PPM1H: variants seen among roughly 807,000 people sequenced by gnomAD.
PPM1H encodes protein phosphatase 1H.
PPM1H carries 27 observed loss-of-function variants against 54.9 expected under a neutral mutation model. The ratio of observed to expected loss-of-function variants is 0.49; its 90% CI spans 0.36 to 0.68. The LOEUF (loss-of-function observed/expected upper bound fraction) is 0.68, where lower values mean the gene tolerates loss of function less well. PPM1H is among the 30% of genes least tolerant of loss of function. The probability of loss-of-function intolerance (pLI) is 0.00; values close to 1 mark genes in which losing one functional copy is unlikely to be tolerated. For missense variants in PPM1H, 596 were observed against 667.8 expected (o/e 0.89, Z 1.19); for synonymous variants, 305 against 270.8 (o/e 1.13, Z -1.24).
intron 4 of PPM1H, among the ~76,000 whole-genome samples, chr12:62,779,289 T>C (rs1436697521): frequency 4.6e-5 from 7 of 152,098 alleles, no homozygotes; most frequent in Non-Finnish European, 1.0e-4. Context: ...CCTTGTGATC[T>C]GCCTGCCTCG....
chr12:62,831,358 G>A (rs924913256), intron 2 of PPM1H, among the ~76,000 whole-genome samples: 10 of 152,124 alleles, frequency 6.6e-5, no homozygotes, highest in African/African-American at 1.7e-4. Context: ...ATGACTCCCC[G>A]TCCTTTGCTG....
chr12:62,885,054 A>T (rs376067911), intron 1 of PPM1H, among the ~76,000 whole-genome samples: 210 of 152,272 alleles, frequency 1.4e-3, no homozygotes, highest in African/African-American at 4.9e-3. Flanking sequence ...CACTTCTTAC[A>T]TGGTGGCGAC....
chr12:62,788,897 T>C (rs1390769020), intron 3 of PPM1H, among the ~76,000 whole-genome samples: 1 of 152,074 alleles, frequency 6.6e-6, no homozygotes, highest in Non-Finnish European at 1.5e-5. Flanking sequence ...GGCTAATTTT[T>C]GTATTTTTTG....
At chr12:62,744,037 T>C (rs1361886927) in intron 4 of PPM1H, among the ~76,000 whole-genome samples, 2 of 151,854 alleles carry the variant, frequency 1.3e-5, no homozygotes, top group African/African-American at 4.8e-5. Flanking sequence ...ACTCAGTACA[T>C]AGGATATACA....
intron 6 of PPM1H, among the ~76,000 whole-genome samples, chr12:62,719,042 A>C (rs1212640375): frequency 6.6e-6 from 1 of 152,226 alleles, no homozygotes; most frequent in Non-Finnish European, 1.5e-5. Flanking sequence ...TGGGGTAGGC[A>C]GAATTTGACT....
At position 62,823,601 on chromosome 12, in the gene PPM1H, A is replaced by C. The variant is rs192525740; in HGVS notation, c.411+8513T>G. 5.3e-5 allele frequency among the ~76,000 whole-genome samples: 8 copies of C among 152,328 alleles called. No individual in the cohort carries two copies. The East Asian group carries it at 1.5e-3, about 29-fold the overall frequency. On this transcript the variant is annotated intron_variant, in intron 2 of 9. Coordinates refer to ENST00000228705, the MANE Select transcript of PPM1H (RefSeq NM_020700.2). ...ATGCAAGGCTTGTTCAACATACCCA[A>C]ATCAATAAACATAATCCATCACATA...
chr12:62,729,835 T>G (rs553359113), intron 5 of PPM1H, among the ~76,000 whole-genome samples: 4 of 152,332 alleles, frequency 2.6e-5, no homozygotes, highest in African/African-American at 7.2e-5. Context: ...ATTTCATTAT[T>G]TATTTACCCA....
At chr12:62,753,366 T>C (rs911354626) in intron 4 of PPM1H, among the ~76,000 whole-genome samples, 23 of 152,244 alleles carry the variant, frequency 1.5e-4, no homozygotes, top group Admixed American at 5.2e-4. Flanking sequence ...GGAAACACTC[T>C]TCTTTGTCAC....
chr12:62,753,968 A>G (rs184832063), intron 4 of PPM1H, among the ~76,000 whole-genome samples: 2 of 152,266 alleles, frequency 1.3e-5, no homozygotes. Context: ...TTTCCCTCTC[A>G]CATTGAGAAG....
intron 1 of PPM1H, among the ~76,000 whole-genome samples, chr12:62,912,185 T>A (rs2121141432): frequency 6.6e-6 from 1 of 152,334 alleles, no homozygotes; most frequent in Non-Finnish European, 1.5e-5. Context: ...AAACTACTTA[T>A]GAAGCTAACA....
intron 6 of PPM1H, among the ~76,000 whole-genome samples, chr12:62,715,383 T>G (rs1367520679): frequency 2.0e-5 from 3 of 150,164 alleles, no homozygotes; most frequent in African/African-American, 4.9e-5. Flanking sequence ...AACTCAGCAC[T>G]GGGGGCACTG....
At chr12:62,830,688 C>T (rs1297898047) in intron 2 of PPM1H, among the ~76,000 whole-genome samples, 1 of 152,196 alleles carries the variant, frequency 6.6e-6, no homozygotes, top group East Asian at 1.9e-4. Context: ...TTCTATACTG[C>T]CCATCTGGGT....
At chr12:62,804,666 C>CT (rs1162966258) in intron 2 of PPM1H, among the ~76,000 whole-genome samples, 2,056 of 133,980 alleles carry the variant, frequency 0.015, 152 homozygotes, top group African/African-American at 0.053. Context: ...TGGTTAATTT[C>CT]TTTTTTTTTC....
chr12:62,933,039 A>G (rs1872196967), intron 1 of PPM1H, among the ~76,000 whole-genome samples: 1 of 151,660 alleles, frequency 6.6e-6, no homozygotes, highest in South Asian at 2.1e-4. Flanking sequence ...ACAGGTGTTT[A>G]TTTTTGCTTT....
chr12:62,828,505 C>T (rs907671426), intron 2 of PPM1H, among the ~76,000 whole-genome samples: 12 of 152,184 alleles, frequency 7.9e-5, no homozygotes, highest in South Asian at 4.1e-4. Context: ...TTAACTACCC[C>T]GGCACCCTCA....
intron 3 of PPM1H, among the ~76,000 whole-genome samples, chr12:62,799,822 GAGATATAACCTGATCTGGGCTAGGTC>G (rs1303307523): frequency 6.6e-6 from 1 of 152,184 alleles, no homozygotes; most frequent in African/African-American, 2.4e-5. Context: ...AAAAGCACTG[GAGATATAACCTGATCTGGGCTAGGTC>G]ACCCCTCCTC....
At chr12:62,822,523 C>T (rs1333492746) in intron 2 of PPM1H, among the ~76,000 whole-genome samples, 1 of 152,106 alleles carries the variant, frequency 6.6e-6, no homozygotes, top group Non-Finnish European at 1.5e-5. Context: ...TGTAAAAGAA[C>T]AGAAATCACA....
intron 4 of PPM1H, among the ~76,000 whole-genome samples, chr12:62,757,922 ACATGCAACCC>A (rs1488841963): frequency 6.6e-6 from 1 of 152,220 alleles, no homozygotes; most frequent in Non-Finnish European, 1.5e-5. Context: ...GAGGCTTCCC[ACATGCAACCC>A]TTTATGGCTC....
chr12:62,905,431 A>T (rs1476933440), intron 1 of PPM1H, among the ~76,000 whole-genome samples: 2 of 152,184 alleles, frequency 1.3e-5, no homozygotes, highest in Non-Finnish European at 2.9e-5. Context: ...GGCATCAAAA[A>T]TAGTAAGGCC....
Sources: gnomAD v4.1 joint callset for allele counts (sites outside exome capture counted in the v4.1 genomes callset) on GRCh38, gnomAD v4.1.1 for gene constraint, MANE v1.5 for transcripts, NCBI Gene and HGNC (gene_info 2026-07-23, HGNC 2026-07-21) for gene names.